USP33: variants seen among roughly 807,000 people sequenced by gnomAD.
USP33 encodes the protein ubiquitin carboxyl-terminal hydrolase 33.
USP33 carries 46 observed loss-of-function variants against 124.2 expected under a neutral mutation model. That is an observed-to-expected ratio of 0.37 (90% confidence interval 0.29 to 0.47). The LOEUF (loss-of-function observed/expected upper bound fraction) is 0.47. Ranked by LOEUF, USP33 falls within the 20% of genes least tolerant of loss-of-function variation. The pLI is 0.99. For missense variants in USP33, 851 were observed against 1,070.6 expected (o/e 0.79, Z 2.86); for synonymous variants, 350 against 352.3 (o/e 0.99, Z 0.07).
At chr1:77,733,063 G>A (rs970217962) in intron 7 of USP33, among the ~76,000 whole-genome samples, 24 of 151,762 alleles carry the variant, frequency 1.6e-4, no homozygotes, top group African/African-American at 5.5e-4. Flanking sequence ...AAAGTGCTGG[G>A]ATTACAGGCA....
chr1:77,723,210 T>C, intron 12 of USP33, 121 bp downstream of exon 12: 1 of 782,408 alleles, frequency 1.3e-6, no homozygotes, highest in Non-Finnish European at 2.1e-6. Context: ...GTAAACACAA[T>C]AAATGCATGT....
intron 6 of USP33, among the ~76,000 whole-genome samples, chr1:77,734,879 T>C (rs746418051): frequency 5.3e-5 from 8 of 152,130 alleles, no homozygotes; most frequent in Non-Finnish European, 8.8e-5. Context: ...ATCCCAGCAC[T>C]TTGGGAGGCT....
chr1:77,716,335 C>G (rs556070142), intron 17 of USP33, among the ~76,000 whole-genome samples: 5 of 152,304 alleles, frequency 3.3e-5, no homozygotes, highest in African/African-American at 1.2e-4. Context: ...GCTGGGATTA[C>G]AGGCATGAGT....
chr1:77,733,775 A>C (rs952392921), intron 7 of USP33, among the ~76,000 whole-genome samples: 2 of 152,220 alleles, frequency 1.3e-5, no homozygotes, highest in African/African-American at 4.8e-5. Context: ...CCAGCATTTC[A>C]TATGAGGGAT....
At chr1:77,732,864 G>A (rs1267448268) in intron 7 of USP33, among the ~76,000 whole-genome samples, 3 of 149,198 alleles carry the variant, frequency 2.0e-5, no homozygotes, top group Non-Finnish European at 4.4e-5. Context: ...CATGACCTAG[G>A]CTCATTGCAA....
intron 18 of USP33, chr1:77,715,035 T>G (rs1433395638): frequency 3.1e-6 from 1 of 322,064 alleles, no homozygotes; most frequent in African/African-American, 2.2e-5. Context: ...GTTAATAAGA[T>G]CAAGCTAAAT....
intron 11 of USP33, 113 bp from the exon 12 acceptor site, chr1:77,723,556 C>T: frequency 1.5e-6 from 1 of 671,914 alleles, no homozygotes; most frequent in Non-Finnish European, 2.4e-6. Flanking sequence ...AATCCTTAAA[C>T]TGTAAAAATT....
intron 1 of USP33, among the ~76,000 whole-genome samples, chr1:77,754,620 C>T (rs1680637838): frequency 6.6e-6 from 1 of 152,188 alleles, no homozygotes; most frequent in African/African-American, 2.4e-5. Context: ...TCCTATAATA[C>T]TTACCTAATC....
At chr1:77,758,382 C>T (rs547734655) in intron 1 of USP33, among the ~76,000 whole-genome samples, 8 of 152,042 alleles carry the variant, frequency 5.3e-5, no homozygotes. Context: ...GGGGTTTCAC[C>T]GTATTACCCA....
At chr1:77,698,030 A>G in intron 22 of USP33, 99 bp from the exon 23 acceptor site, 3 of 857,142 alleles carry the variant, frequency 3.5e-6, no homozygotes, top group Non-Finnish European at 5.5e-6. Flanking sequence ...CTACATTATC[A>G]GACTGGTTAT....
Position 77,721,371 on chromosome 1 carries a change from CCCTT to C in USP33, c.1658-170_1658-167del, listed in dbSNP as rs1184449412. Reference sequence around the variant, plus strand: ...ATCAGGTTACTGTTTACCTTCCCCTCCCTTAACTCCTGCCAACATTGAAGACCTA... The same window carrying C: ...ATCAGGTTACTGTTTACCTTCCCCTCAACTCCTGCCAACATTGAAGACCTA... On this transcript the variant is annotated intron_variant, in intron 14 of 23. Coordinates refer to ENST00000370794, the MANE Select transcript of USP33 (RefSeq NM_201624.3). The C allele has an allele frequency of 7.7e-6, 5 of 652,228 alleles. No homozygotes were observed. The East Asian group carries it at 8.2e-5, about 11-fold the overall frequency. The allele number at this position is 652,228 out of a possible 1,614,324, so 40.4% of individuals were successfully genotyped here.
intron 11 of USP33, among the ~76,000 whole-genome samples, chr1:77,725,055 A>C (rs1677005523): frequency 6.6e-6 from 1 of 152,208 alleles, no homozygotes; most frequent in Admixed American, 6.5e-5. Context: ...AAAACAAAAA[A>C]AAAGAAACAT....
intron 22 of USP33, among the ~76,000 whole-genome samples, chr1:77,699,615 A>G (rs1034987163): frequency 6.6e-6 from 1 of 152,246 alleles, no homozygotes; most frequent in Admixed American, 6.5e-5. Flanking sequence ...TAGTTCAACC[A>G]TTGTGGAAGA....
chr1:77,737,519 A>G (rs967081516), intron 5 of USP33, among the ~76,000 whole-genome samples: 14 of 152,258 alleles, frequency 9.2e-5, no homozygotes, highest in Non-Finnish European at 1.8e-4. Context: ...TTTTGCAAAT[A>G]TCCTGTGGTA....
At position 77,702,592 on chromosome 1, in the gene USP33, T is replaced by C. The variant is rs528975640; in HGVS notation, c.2407-1121A>G. Among the ~76,000 whole-genome samples the C allele has an allele frequency of 5.3e-5, 8 of 152,210 alleles. No individual in the cohort carries two copies. In the East Asian group the frequency reaches 1.5e-3, roughly 29 times the overall value. On this transcript the variant is annotated intron_variant, in intron 21 of 23. Transcript: ENST00000370794. ...AGCCCTCAGGCCTAAGGAATGGGTA[T>C]ATGACTCAAACTATACACAACTCTG...
At chr1:77,721,145 A>G (rs1676518556) in intron 15 of USP33, 27 bp downstream of exon 15, 4 of 1,613,284 alleles carry the variant, frequency 2.5e-6, no homozygotes, top group African/African-American at 2.7e-5. Flanking sequence ...ACAACATGCA[A>G]TTAAAAGCAC....
chr1:77,721,181 T>A lies in USP33; in HGVS notation c.1682A>T (p.Lys561Ile). ...TGTCAATGTCACTTACTTTTTGCATTTTTCACAACTGTACATATTGTCACC... is the reference window on the plus strand; with the variant it reads ...TGTCAATGTCACTTACTTTTTGCATATTTCACAACTGTACATATTGTCACC... ...LKGDNMYSCE[K>I]CKKLRNGVKF... Residue 561 changes from lysine (K) to isoleucine (I), a missense_variant, in exon 15 of 24, where the codon AAA (lysine) becomes ATA (isoleucine). By Grantham distance (102) the Lys-to-Ile change is moderately radical. This residue lies in a region of USP33 where 281 missense variants were observed against 425.0 expected (regional missense o/e 0.66). Transcript: ENST00000370794. 1 of 1,613,794 alleles carries A rather than the reference T, an allele frequency of 6.2e-7. No individual in the cohort carries two copies. Among genetic ancestry groups the A allele is most frequent in the Non-Finnish European group, 8.5e-7 (1 of 1,179,908 alleles).
intron 1 of USP33, among the ~76,000 whole-genome samples, chr1:77,752,956 G>A (rs1265858879): frequency 6.6e-6 from 1 of 152,064 alleles, no homozygotes; most frequent in African/African-American, 2.4e-5. Context: ...GTGTGCGTCT[G>A]TAGTCCTAGC....
chr1:77,711,711 T>C (rs1675282420), intron 21 of USP33, 36 bp downstream of exon 21: 1 of 1,587,600 alleles, frequency 6.3e-7, no homozygotes, highest in East Asian at 2.2e-5. Context: ...TCTTCATCTT[T>C]ATCCTAGATC....
Sources: allele counts gnomAD v4.1 joint callset (sites outside exome capture counted in the v4.1 genomes callset), GRCh38; gene constraint gnomAD v4.1.1; regional missense constraint gnomAD v4.1.1; transcripts MANE v1.5; gene names NCBI Gene and HGNC (gene_info 2026-07-23, HGNC 2026-07-21).